SMAD6: variants seen among roughly 807,000 people sequenced by gnomAD.
SMAD6 encodes the protein SMAD family member 6, also known as MAD homolog 6.
SMAD6 carries 103 observed loss-of-function variants against 39.4 expected under a neutral mutation model. The observed-to-expected ratio is 2.62, with a 90% confidence interval of 2.23 to 3.08. The LOEUF (loss-of-function observed/expected upper bound fraction) is 3.08. Ranked by LOEUF, SMAD6 falls within the 30% of genes most tolerant of loss-of-function variation. The pLI, the probability that SMAD6 is intolerant of heterozygous loss-of-function variation, is 0.00. For missense variants in SMAD6, 1,104 were observed against 742.9 expected (o/e 1.49, Z -5.65); for synonymous variants, 445 against 353.3 (o/e 1.26, Z -2.91).
chr15:66,710,159 T>C (rs1296379233), intron 1 of SMAD6, among the ~76,000 whole-genome samples: 1 of 152,224 alleles, frequency 6.6e-6, no homozygotes, highest in Non-Finnish European at 1.5e-5. Context: ...TTTTCTCATC[T>C]GTAAAATGGG....
chr15:66,703,930 G>T lies in SMAD6; in HGVS notation c.672G>T (p.Leu224=). 1 of 1,348,568 alleles carries T rather than the reference G, an allele frequency of 7.4e-7. No homozygotes were observed. 83.5% of individuals were successfully genotyped at this position (1,348,568 alleles called of 1,614,324 possible). ...GCGGCCAGCCCGCGCCGCCGCAGCT[G>T]CTGCTCGGCCGCCTCTTTCGCTGGC... is the stretch of plus-strand genomic sequence containing the variant. ...RLGGQPAPPQ[L]LLGRLFRWPD... The change falls in exon 1 of 4, where the codon CTG becomes CTT. Residue 224 remains leucine, a synonymous_variant. Coordinates refer to ENST00000288840, the MANE Select transcript of SMAD6 (RefSeq NM_005585.5).
chr15:66,716,542 C>T lies in SMAD6; in HGVS notation c.952+44C>T, dbSNP rs774228965. 5.7e-6 allele frequency: 8 copies of T among 1,405,374 alleles called. 1 individual carries two copies. The highest frequency in any genetic ancestry group is 3.5e-5 in the South Asian group (3 of 86,868). The allele number at this position is 1,405,374 out of a possible 1,614,324, so 87.1% of individuals were successfully genotyped here. A position where few individuals can be genotyped will look rare whatever the true frequency, so the allele number is the denominator to read the frequency against. ...GCATTGCTGTTGTGTTGAAATTTAT[C>T]GAAGGGGACAGCTGCGGAGGGGGCT... On this transcript the variant is annotated intron_variant, in intron 3 of 3. Coordinates refer to ENST00000288840, the MANE Select transcript of SMAD6 (RefSeq NM_005585.5).
In SMAD6 at chr15:66,741,762, A is replaced by G. The variant is rs116466232; in HGVS notation, c.952+25264A>G. 8.5e-3 allele frequency among the ~76,000 whole-genome samples: 1,300 copies of G among 152,290 alleles called. 22 individuals are homozygous for G. Among genetic ancestry groups the G allele is most frequent in the African/African-American group, 0.03 (1,259 of 41,542 alleles). On this transcript the variant is annotated intron_variant, in intron 3 of 3. Coordinates refer to ENST00000288840, the MANE Select transcript of SMAD6 (RefSeq NM_005585.5). ...TTCAGTGGTTTTTAGTATATTTGCAACATTCTGCAGCTGTCACCACTCCCT... is the reference window on the plus strand; with the variant it reads ...TTCAGTGGTTTTTAGTATATTTGCAGCATTCTGCAGCTGTCACCACTCCCT...
intron 3 of SMAD6, among the ~76,000 whole-genome samples, chr15:66,775,439 G>A (rs749389627): frequency 6.6e-6 from 1 of 152,198 alleles, no homozygotes; most frequent in Non-Finnish European, 1.5e-5. Flanking sequence ...ACTAGTCCTA[G>A]CAACATTAAC....
At position 66,781,698 on chromosome 15, in the gene SMAD6, ATTATAC is replaced by A. The variant is rs1159858239; in HGVS notation, c.*166_*171del. ...TTTTATATATTATATGGAAATATAT[ATTATAC>A]TTGTAATTATGGAGTCATTTTTACA... On this transcript the variant is annotated 3_prime_UTR_variant, in exon 4 of 4. Coordinates refer to ENST00000288840, the MANE Select transcript of SMAD6 (RefSeq NM_005585.5). 7.0e-6 allele frequency: 3 copies of A among 428,216 alleles called. No homozygotes were observed. The highest frequency in any genetic ancestry group is 4.0e-5 in the Admixed American group (1 of 24,774). The allele number at this position is 428,216 out of a possible 1,614,324, so 26.5% of individuals were successfully genotyped here.
chr15:66,716,327 C>T (rs1365230193), intron 2 of SMAD6, 94 bp from the exon 3 acceptor site: 2 of 884,790 alleles, frequency 2.3e-6, no homozygotes, highest in Non-Finnish European at 3.8e-6. Context: ...CACACATCCA[C>T]ACACGTGCAC....
intron 3 of SMAD6, among the ~76,000 whole-genome samples, chr15:66,732,491 C>A (rs987112814): frequency 4.6e-5 from 7 of 152,114 alleles, no homozygotes; most frequent in African/African-American, 1.7e-4. Context: ...GATGTGACTA[C>A]AGCTGTGTCC....
intron 3 of SMAD6, among the ~76,000 whole-genome samples, chr15:66,721,492 G>T (rs1029169889): frequency 6.6e-6 from 1 of 152,208 alleles, no homozygotes; most frequent in African/African-American, 2.4e-5. Context: ...TGTAGCTGTG[G>T]TGGGCTGAAG....
chr15:66,703,210 G>C lies in SMAD6; in HGVS notation c.-49G>C, dbSNP rs747832846. ...CGCCTCGCTGAGGGAACGGACCCCC[G>C]GTAACCGGAGACCGCCTCCCCCCCA... On this transcript the variant is annotated 5_prime_UTR_variant, in exon 1 of 4. Coordinates refer to ENST00000288840, the MANE Select transcript of SMAD6 (RefSeq NM_005585.5). 21 of 1,301,386 alleles carry C rather than the reference G, an allele frequency of 1.6e-5. No homozygotes were observed. The South Asian group carries it at 3.7e-4, about 23-fold the overall frequency. 80.6% of individuals were successfully genotyped at this position (1,301,386 alleles called of 1,614,324 possible). A position where few individuals can be genotyped will look rare whatever the true frequency, so the allele number is the denominator to read the frequency against.
intron 3 of SMAD6, among the ~76,000 whole-genome samples, chr15:66,750,704 C>T (rs1250502237): frequency 6.6e-6 from 1 of 152,162 alleles, no homozygotes; most frequent in Non-Finnish European, 1.5e-5. Flanking sequence ...GTGGCATTAT[C>T]AAGCCAGCTA....
At chr15:66,725,327 A>G (rs1893503911) in intron 3 of SMAD6, among the ~76,000 whole-genome samples, 2 of 152,128 alleles carry the variant, frequency 1.3e-5, no homozygotes, top group Non-Finnish European at 2.9e-5. Flanking sequence ...CAGAAAGGGT[A>G]AGACCTCGGG....
intron 3 of SMAD6, among the ~76,000 whole-genome samples, chr15:66,732,319 T>G (rs763661730): frequency 3.9e-5 from 6 of 152,150 alleles, no homozygotes; most frequent in Non-Finnish European, 7.4e-5. Context: ...CTGTATATCT[T>G]CTTTGGTGAA....
At chr15:66,743,517 T>C (rs962452619) in intron 3 of SMAD6, among the ~76,000 whole-genome samples, 11 of 151,896 alleles carry the variant, frequency 7.2e-5, no homozygotes, top group Admixed American at 5.2e-4. Context: ...GGCTTGTTCA[T>C]CCAGCCAGTT....
chr15:66,775,963 G>T (rs1429784053), intron 3 of SMAD6, among the ~76,000 whole-genome samples: 1 of 152,212 alleles, frequency 6.6e-6, no homozygotes, highest in East Asian at 1.9e-4. Context: ...ATGGGTTAGG[G>T]GGTGCCCACC....
At chr15:66,732,984 AT>A (rs558307551) in intron 3 of SMAD6, among the ~76,000 whole-genome samples, 130 of 152,034 alleles carry the variant, frequency 8.6e-4, no homozygotes, top group Non-Finnish European at 1.4e-3. Context: ...TGTTGAGTTA[AT>A]TTTTTATAAG....
rs909234168 is a variant in SMAD6 at position 66,703,745 on chromosome 15, T to G, written c.487T>G (p.Ser163Ala). The G allele has an allele frequency of 5.8e-6, 8 of 1,383,440 alleles. No individual in the cohort carries two copies. The highest frequency in any genetic ancestry group is 7.6e-6 in the Non-Finnish European group (8 of 1,055,636). 85.7% of individuals were successfully genotyped at this position (1,383,440 alleles called of 1,614,324 possible). ...AGGGRSREAR[S>A]RLLLLEQELK... is the part of the protein sequence containing the mutation. The stretch of plus-strand genomic sequence containing the variant: ...CGGCGGGCGGAGTCGCGAAGCGCGC[T>G]CGCGGCTGCTGCTGCTGGAGCAGGA... The change falls in exon 1 of 4, where the codon TCG becomes GCG. Residue 163 changes from serine (S) to alanine (A), a missense_variant. By Grantham distance (99) the Ser-to-Ala change is moderately conservative (BLOSUM62 1). Coordinates refer to ENST00000288840, the MANE Select transcript of SMAD6 (RefSeq NM_005585.5).
rs564818751 is a variant in SMAD6 at position 66,781,783 on chromosome 15, C to T, written c.*248C>T. 27 of 399,258 alleles carry T rather than the reference C, an allele frequency of 6.8e-5. No individual in the cohort carries two copies. The highest frequency in any genetic ancestry group is 6.3e-4 in the Middle Eastern group (1 of 1,588). 24.7% of individuals were successfully genotyped at this position (399,258 alleles called of 1,614,324 possible). On this transcript the variant is annotated 3_prime_UTR_variant, in exon 4 of 4. Transcript: ENST00000288840. ...GTGTATATGGACAAAACAAGAAAGA[C>T]GCACTTTGGCTTATAATTCTTTCAA...
chr15:66,746,309 A>G (rs1368283803), intron 3 of SMAD6, among the ~76,000 whole-genome samples: 2 of 152,080 alleles, frequency 1.3e-5, no homozygotes, highest in African/African-American at 4.8e-5. Context: ...AGGCTGCATG[A>G]CCCATAGGCT....
chr15:66,703,842 T>C lies in SMAD6; in HGVS notation c.584T>C (p.Val195Ala), dbSNP rs868327024. 2.2e-6 allele frequency: 3 copies of C among 1,383,684 alleles called. No homozygotes were observed. Among genetic ancestry groups the C allele is most frequent in the South Asian group, 1.6e-5 (1 of 64,122 alleles). The allele number at this position is 1,383,684 out of a possible 1,614,324, so 85.7% of individuals were successfully genotyped here. A position where few individuals can be genotyped will look rare whatever the true frequency, so the allele number is the denominator to read the frequency against. The part of the protein sequence containing the change: ...ERSLDTLLEA[V>A]ESRGGVPGGC... ...TCGCTGGACACGCTGCTGGAGGCGG[T>C]GGAGTCCCGCGGCGGCGTGCCGGGC... The change falls in exon 1 of 4, where the codon GTG becomes GCG. Residue 195 changes from valine to alanine, a missense_variant. By Grantham distance (64) the Val-to-Ala change is moderately conservative (BLOSUM62 0). Coordinates refer to ENST00000288840, the MANE Select transcript of SMAD6 (RefSeq NM_005585.5).
Sources: gnomAD v4.1 joint callset for allele counts (sites outside exome capture counted in the v4.1 genomes callset) on GRCh38, gnomAD v4.1.1 for gene constraint, MANE v1.5 for transcripts, NCBI Gene and HGNC (gene_info 2026-07-23, HGNC 2026-07-21) for gene names.